ATP8A1: variants seen among roughly 807,000 people sequenced by gnomAD.
ATP8A1 encodes the protein ATPase phospholipid transporting 8A1, also known as phospholipid-transporting ATPase IA.
A neutral mutation model predicts 177.7 loss-of-function variants in ATP8A1; 90 were observed. The observed-to-expected ratio is 0.51, with a 90% confidence interval of 0.43 to 0.60. The LOEUF (loss-of-function observed/expected upper bound fraction) is 0.60. ATP8A1 is among the 20% of genes least tolerant of loss of function. ATP8A1 has a pLI of 0.00. For synonymous variants in ATP8A1, 493 were observed against 485.9 expected, an observed-to-expected ratio of 1.01 and a Z score of -0.19; for missense variants, 1,072 against 1,392.8, an observed-to-expected ratio of 0.77 and a Z score of 3.67.
rs57119218 is a variant in ATP8A1 at position 42,570,204 on chromosome 4, C to T, written c.1296-999G>A. On this transcript the variant is annotated intron_variant, in intron 14 of 36. Transcript: ENST00000381668. ...CCAAAACATTAATTTGCTTCCAGTG[C>T]AGTATCCACTATATCACTCCAATCA... Among the ~76,000 whole-genome samples the T allele has an allele frequency of 2.8e-3, 424 of 152,312 alleles. 1 individual carries two copies. In the East Asian group the frequency reaches 0.045, roughly 16 times the overall value.
intron 20 of ATP8A1, among the ~76,000 whole-genome samples, chr4:42,528,674 A>G (rs1229509087): frequency 6.6e-6 from 1 of 151,836 alleles, no homozygotes; most frequent in Non-Finnish European, 1.5e-5. Context: ...TTACTGTCCT[A>G]CCCCAGGGGC....
intron 11 of ATP8A1, 145 bp from the exon 12 acceptor site, chr4:42,578,532 C>T (rs1298519223): frequency 1.2e-6 from 1 of 860,484 alleles, no homozygotes; most frequent in East Asian, 2.6e-5. Flanking sequence ...TATCCTAATT[C>T]TCAAGTACAT....
intron 24 of ATP8A1, among the ~76,000 whole-genome samples, chr4:42,487,431 T>C (rs994393028): frequency 2.0e-5 from 3 of 152,182 alleles, no homozygotes; most frequent in African/African-American, 7.2e-5. Context: ...AACACAACAC[T>C]GGCCTGGCAC....
chr4:42,585,499 C>G (rs1386952871), intron 9 of ATP8A1, among the ~76,000 whole-genome samples: 7 of 144,162 alleles, frequency 4.9e-5, no homozygotes, highest in Admixed American at 1.4e-4. Flanking sequence ...GTCCGAGAGC[C>G]TCCGCCATGT....
chr4:42,584,429 C>T (rs1442292474), intron 9 of ATP8A1, among the ~76,000 whole-genome samples: 2 of 152,240 alleles, frequency 1.3e-5, no homozygotes, highest in African/African-American at 4.8e-5. Flanking sequence ...TCACTATCGT[C>T]AGGCACCTGT....
intron 10 of ATP8A1, among the ~76,000 whole-genome samples, chr4:42,581,203 G>A (rs970556220): frequency 5.3e-5 from 8 of 151,716 alleles, no homozygotes; most frequent in African/African-American, 1.7e-4. Flanking sequence ...GCGCGATCTC[G>A]GCTCACTGCA....
intron 5 of ATP8A1, 119 bp downstream of exon 5, chr4:42,615,914 C>A (rs1577707673): frequency 2.2e-6 from 2 of 895,056 alleles, no homozygotes; most frequent in East Asian, 5.1e-5. Context: ...AATCAATCTA[C>A]CCCAAAACAA....
intron 7 of ATP8A1, 24 bp downstream of exon 7, chr4:42,590,787 C>T (rs1460376214): frequency 1.9e-6 from 3 of 1,608,934 alleles, no homozygotes; most frequent in Admixed American, 1.7e-5. Context: ...ATACACGCAT[C>T]CTATACGACT....
rs16854624 is a variant in ATP8A1, at chr4:42,627,021, C to G, written c.138G>C (p.Leu46=). ...TGACATGGTTATTGCAGAATTTTGTCAGCTGGGGCTGGTTGATGAAAATAG... is the reference window on the plus strand; with the variant it reads ...TGACATGGTTATTGCAGAATTTTGTGAGCTGGGGCTGGTTGATGAAAATAG... ...VRTIFINQPQ[L]TKFCNNHVST... is the part of the protein sequence containing the mutation. Residue 46 remains leucine (L), a synonymous_variant, in exon 2 of 37, where the codon CTG becomes CTC. Coordinates refer to ENST00000381668, the MANE Select transcript of ATP8A1 (RefSeq NM_006095.2). 1 of 1,613,550 alleles carries G rather than the reference C, an allele frequency of 6.2e-7. No individual in the cohort carries two copies. Among genetic ancestry groups the G allele is most frequent in the Non-Finnish European group, 8.5e-7 (1 of 1,179,654 alleles).
intron 1 of ATP8A1, among the ~76,000 whole-genome samples, chr4:42,636,119 T>TACACAC (rs544619447): frequency 1.8e-3 from 143 of 79,082 alleles, no homozygotes; most frequent in African/African-American, 3.9e-3. Flanking sequence ...ATGGGCTTAA[T>TACACAC]ACACACACAC....
At chr4:42,524,734 A>T in intron 21 of ATP8A1, 29 bp downstream of exon 21, 1 of 1,431,400 alleles carries the variant, frequency 7.0e-7, no homozygotes, top group Non-Finnish European at 9.8e-7. Context: ...TTGTATTTTA[A>T]TCATGCTTTA....
At position 42,410,428 on chromosome 4, in the gene ATP8A1, T is replaced by C. The variant is rs976519259; in HGVS notation, c.*2488A>G. On this transcript the variant is annotated 3_prime_UTR_variant, in exon 37 of 37. Transcript: ENST00000381668. ...AAAAAAACACATGTTAAAAGTCACA[T>C]TGACTGTTTATTTCAATCCTGGTAA... is the stretch of plus-strand genomic sequence containing the variant. The C allele has an allele frequency of 9.2e-5, 14 of 152,218 alleles. No homozygotes were observed. The highest frequency in any genetic ancestry group is 7.3e-5 in the Non-Finnish European group (5 of 68,028). The allele number at this position is 152,218 out of a possible 1,614,324, so 9.4% of individuals were successfully genotyped here. A position where few individuals can be genotyped will look rare whatever the true frequency, so the allele number is the denominator to read the frequency against.
Position 42,598,846 on chromosome 4 carries a change from AGTG to A in ATP8A1, c.450+1629_450+1631del, listed in dbSNP as rs553656578. 3.2e-3 allele frequency among the ~76,000 whole-genome samples: 481 copies of A among 152,242 alleles called. 2 individuals carry two copies. The highest frequency in any genetic ancestry group is 0.011 in the African/African-American group (453 of 41,550). ...TGATTTCATCACTGAACCAACTTTT[AGTG>A]ATTCTAATTACTTCTATAATTCTAA... On this transcript the variant is annotated intron_variant, in intron 6 of 36. Transcript: ENST00000381668.
intron 25 of ATP8A1, among the ~76,000 whole-genome samples, chr4:42,478,331 AC>A (rs1226595371): frequency 6.6e-6 from 1 of 152,032 alleles, no homozygotes. Flanking sequence ...AGACTGCACC[AC>A]TGCAGTCCAG....
intron 24 of ATP8A1, among the ~76,000 whole-genome samples, chr4:42,492,223 C>T (rs1317706836): frequency 6.6e-6 from 1 of 152,060 alleles, no homozygotes; most frequent in African/African-American, 2.4e-5. Flanking sequence ...TATACTTATT[C>T]TTAGGAATCT....
At chr4:42,642,476 TAA>T (rs1740100906) in intron 1 of ATP8A1, among the ~76,000 whole-genome samples, 2 of 152,156 alleles carry the variant, frequency 1.3e-5, no homozygotes, top group Admixed American at 1.3e-4. Flanking sequence ...AGGATGTAGC[TAA>T]AGAAGACGAC....
chr4:42,543,155 G>A (rs1367034739), intron 20 of ATP8A1, among the ~76,000 whole-genome samples: 2 of 152,040 alleles, frequency 1.3e-5, no homozygotes, highest in African/African-American at 4.8e-5. Flanking sequence ...TTAAACCAAG[G>A]CATTTAACAT....
In ATP8A1 at chr4:42,480,008, G is replaced by GTGTGTGTGTGTGTGTGTT. The variant is rs1553883673; in HGVS notation, c.2324+5487_2324+5488insAACACACACACACACACA. 9.6e-3 allele frequency among the ~76,000 whole-genome samples: 1,436 copies of GTGTGTGTGTGTGTGTGTT among 150,072 alleles called. 18 individuals carry two copies. Among genetic ancestry groups the GTGTGTGTGTGTGTGTGTT allele is most frequent in the Middle Eastern group, 0.041 (12 of 290 alleles). ...TCTGCAGTTCTGCTTGTGTGTGTGT[G>GTGTGTGTGTGTGTGTGTT]TGTGTGTGTGTGTGTGTGTGTGTAC... On this transcript the variant is annotated intron_variant, in intron 25 of 36. Transcript: ENST00000381668.
Position 42,411,341 on chromosome 4 carries a change from G to C in ATP8A1, c.*1575C>G, listed in dbSNP as rs893988447. ...AATGTGAAAATATTAAACTCGAGAA[G>C]CGATCTGAAAAAAAATCACCTCTTC... On this transcript the variant is annotated 3_prime_UTR_variant, in exon 37 of 37. Transcript: ENST00000381668. 1 of 151,978 alleles carries C rather than the reference G, an allele frequency of 6.6e-6. No individual in the cohort carries two copies. Among genetic ancestry groups the C allele is most frequent in the African/African-American group, 2.4e-5 (1 of 41,366 alleles). 9.4% of individuals were successfully genotyped at this position (151,978 alleles called of 1,614,324 possible).
Sources: allele counts gnomAD v4.1 joint callset (sites outside exome capture counted in the v4.1 genomes callset), GRCh38; gene constraint gnomAD v4.1.1; transcripts MANE v1.5; gene names NCBI Gene and HGNC (gene_info 2026-07-23, HGNC 2026-07-21).